KIF13A: variants seen among roughly 807,000 people sequenced by gnomAD.
KIF13A encodes the protein kinesin-like protein KIF13A.
In KIF13A, 79 loss-of-function variants were observed where a neutral mutation model predicts 212.2. The observed-to-expected ratio is 0.37, with a 90% confidence interval of 0.31 to 0.45. The LOEUF (loss-of-function observed/expected upper bound fraction) is 0.45, where lower values mean the gene tolerates loss of function less well. Ranked by LOEUF, KIF13A falls within the 20% of genes least tolerant of loss-of-function variation. KIF13A has a pLI of 1.00. For synonymous variants in KIF13A, 789 were observed against 808.6 expected, an observed-to-expected ratio of 0.98 and a Z score of 0.41; for missense variants, 1,901 against 2,209.0, an observed-to-expected ratio of 0.86 and a Z score of 2.79.
chr6:17,807,365 G>T (rs1034805451), intron 18 of KIF13A, among the ~76,000 whole-genome samples: 4 of 151,986 alleles, frequency 2.6e-5, no homozygotes, highest in African/African-American at 9.7e-5. Context: ...ATTGTGGGGG[G>T]AGGTCTATAA....
chr6:17,940,829 T>TTTA (rs1554119593), intron 2 of KIF13A, among the ~76,000 whole-genome samples: 2 of 146,890 alleles, frequency 1.4e-5, no homozygotes, highest in African/African-American at 5.4e-5. Context: ...TTTTTTTTTT[T>TTTA]TTTTTTTTTT....
At position 17,789,722 on chromosome 6, in the gene KIF13A, G is replaced by C. The variant is rs200894653; in HGVS notation, c.3261+150C>G. On this transcript the variant is annotated intron_variant, in intron 26 of 38. Transcript: ENST00000259711. The surrounding 1 kb of genome is among the most constrained non-coding windows in gnomAD (Gnocchi z 4.8). The stretch of plus-strand genomic sequence containing the variant: ...CATCTATAGAAATAATATTGTGTTT[G>C]AATACATATAAAGCAAATCAAAAGC... 52 of 591,024 alleles carry C rather than the reference G, an allele frequency of 8.8e-5. No homozygotes were observed. In the East Asian group the frequency reaches 1.5e-3, roughly 17 times the overall value. 36.6% of individuals were successfully genotyped at this position (591,024 alleles called of 1,614,324 possible).
chr6:17,832,508 C>T (rs1416632028), intron 12 of KIF13A, among the ~76,000 whole-genome samples: 1 of 151,976 alleles, frequency 6.6e-6, no homozygotes, highest in Non-Finnish European at 1.5e-5. Context: ...TGTGGTGGCA[C>T]ACACCTATAG....
chr6:17,982,520 G>T lies in KIF13A; in HGVS notation c.146+4534C>A. On this transcript the variant is annotated intron_variant, in intron 2 of 38. Coordinates refer to ENST00000259711, the MANE Select transcript of KIF13A (RefSeq NM_022113.6). This position sits in a 1 kb window ranked among gnomAD's most constrained non-coding sequence, Gnocchi z 5.1. ...TTCTTCAACTGACCCTCCCTCACAC[G>T]ATTTGCAAGGTGTATTGTTCATCCT... 1.5e-6 allele frequency: 1 copy of T among 658,730 alleles called. No homozygotes were observed. The highest frequency in any genetic ancestry group is 1.9e-6 in the Non-Finnish European group (1 of 532,156). 40.8% of individuals were successfully genotyped at this position (658,730 alleles called of 1,614,324 possible).
chr6:17,911,739 G>A (rs2150505574), intron 2 of KIF13A, among the ~76,000 whole-genome samples: 2 of 147,986 alleles, frequency 1.4e-5, no homozygotes. Context: ...CTATTTCATA[G>A]CACAGCAAGG....
In KIF13A at chr6:17,781,162, T is replaced by G. The variant is rs746469017; in HGVS notation, c.3669+15A>C. 4.9e-5 allele frequency: 79 copies of G among 1,613,676 alleles called. No individual in the cohort carries two copies. The highest frequency in any genetic ancestry group is 6.2e-5 in the Non-Finnish European group (73 of 1,179,836). ...TAATCTGAAGCCTTTTAAGAGAAAC[T>G]TGGGGGTTAATTACCTCATCATCAC... On this transcript the variant is annotated intron_variant, in intron 30 of 38. Transcript: ENST00000259711.
Position 17,787,710 on chromosome 6 carries a change from A to G in KIF13A, c.3361+66T>C, listed in dbSNP as rs1761178652. ...ACTACTGTCCAGTTAGGGGAAGAAA[A>G]CGACCTACTGCCATTGTGTAAAAGT... On this transcript the variant is annotated intron_variant, in intron 27 of 38. Coordinates refer to ENST00000259711, the MANE Select transcript of KIF13A (RefSeq NM_022113.6). The surrounding 1 kb of genome is among the most constrained non-coding windows in gnomAD (Gnocchi z 4.6). 1.1e-6 allele frequency: 1 copy of G among 912,696 alleles called. No homozygotes were observed. The highest frequency in any genetic ancestry group is 1.8e-5 in the Admixed American group (1 of 55,090). The allele number at this position is 912,696 out of a possible 1,614,324, so 56.5% of individuals were successfully genotyped here.
chr6:17,942,490 T>C (rs993319621), intron 2 of KIF13A, among the ~76,000 whole-genome samples: 1 of 152,130 alleles, frequency 6.6e-6, no homozygotes, highest in African/African-American at 2.4e-5. Context: ...GCAAAATGGG[T>C]ACCTACCTCA....
At chr6:17,969,719 C>T (rs1779639146) in intron 2 of KIF13A, among the ~76,000 whole-genome samples, 1 of 152,158 alleles carries the variant, frequency 6.6e-6, no homozygotes, top group South Asian at 2.1e-4. Context: ...CTCTGGCATC[C>T]CTTACATGAA....
intron 2 of KIF13A, among the ~76,000 whole-genome samples, chr6:17,911,029 C>G (rs963025294): frequency 2.6e-5 from 4 of 152,222 alleles, no homozygotes; most frequent in African/African-American, 9.7e-5. Context: ...TCCCAAAGTG[C>G]TGGGATTACA....
At position 17,951,601 on chromosome 6, in the gene KIF13A, C is replaced by T. The variant is rs1324269170; in HGVS notation, c.146+35453G>A. Reference sequence around the variant, plus strand: ...CCCCCTCAAAAAATGCCATATCCATCGGCAGTCACTCTCCATTTCCCCCAA... The same window carrying T: ...CCCCCTCAAAAAATGCCATATCCATTGGCAGTCACTCTCCATTTCCCCCAA... On this transcript the variant is annotated intron_variant, in intron 2 of 38. Transcript: ENST00000259711. The surrounding 1 kb of genome is among the most constrained non-coding windows in gnomAD (Gnocchi z 4.9). Among the ~76,000 whole-genome samples, 3 of 151,510 alleles carry T rather than the reference C, an allele frequency of 2.0e-5. No homozygotes were observed. The highest frequency in any genetic ancestry group is 6.6e-5 in the Admixed American group (1 of 15,214).
At position 17,867,443 on chromosome 6, in the gene KIF13A, T is replaced by C. The variant is rs531772604; in HGVS notation, c.220+5934A>G. 4.6e-5 allele frequency among the ~76,000 whole-genome samples: 7 copies of C among 152,362 alleles called. No individual in the cohort carries two copies. The East Asian group carries it at 1.2e-3, about 25-fold the overall frequency. On this transcript the variant is annotated intron_variant, in intron 4 of 38. Coordinates refer to ENST00000259711, the MANE Select transcript of KIF13A (RefSeq NM_022113.6). ...CAACTACTAGCATTGCTCATAACTA[T>C]AGGGAAAACTTTTATGGTTTAAACC... is the stretch of plus-strand genomic sequence containing the variant.
chr6:17,956,398 G>C (rs191788888), intron 2 of KIF13A, among the ~76,000 whole-genome samples: 1 of 152,324 alleles, frequency 6.6e-6, no homozygotes, highest in Admixed American at 6.5e-5. Context: ...AGTGCCACCT[G>C]TTTGTGGTCC....
rs201506904 is a variant in KIF13A, at chr6:17,843,385, ATT to A, written c.831-5804_831-5803del. Among the ~76,000 whole-genome samples the A allele has an allele frequency of 5.8e-3, 877 of 152,342 alleles. 7 individuals are homozygous for A. Among genetic ancestry groups the A allele is most frequent in the African/African-American group, 0.02 (825 of 41,582 alleles). Reference sequence around the variant, plus strand: ...GTCCTCTCTGCAGCTTCGGGTAGCCATTAAACACAGTTCTGGCCAAGGAGATG... The same window carrying A: ...GTCCTCTCTGCAGCTTCGGGTAGCCAAAACACAGTTCTGGCCAAGGAGATG... On this transcript the variant is annotated intron_variant, in intron 9 of 38. Coordinates refer to ENST00000259711, the MANE Select transcript of KIF13A (RefSeq NM_022113.6). The surrounding 1 kb of genome is among the most constrained non-coding windows in gnomAD (Gnocchi z 5.3).
intron 4 of KIF13A, among the ~76,000 whole-genome samples, chr6:17,859,489 G>C (rs1213790969): frequency 6.6e-6 from 1 of 150,730 alleles, no homozygotes; most frequent in Non-Finnish European, 1.5e-5. Flanking sequence ...TTTTAGTTTA[G>C]TGTATGACCA....
At chr6:17,881,632 G>A (rs1261276825) in intron 3 of KIF13A, 1 of 351,050 alleles carries the variant, frequency 2.8e-6, no homozygotes, top group African/African-American at 2.2e-5. Context: ...AGGAAGCGGA[G>A]GTTGCAGTGA....
chr6:17,846,905 T>C (rs1023123074), intron 9 of KIF13A, among the ~76,000 whole-genome samples: 5 of 152,126 alleles, frequency 3.3e-5, no homozygotes, highest in Admixed American at 6.5e-5. Flanking sequence ...CGGAGACCAA[T>C]TGACGGCAAC....
chr6:17,893,800 T>C (rs1019214207), intron 3 of KIF13A, among the ~76,000 whole-genome samples: 5 of 151,482 alleles, frequency 3.3e-5, no homozygotes, highest in African/African-American at 4.8e-5. Context: ...TAAATAAACA[T>C]TGAATTCTGT....
intron 2 of KIF13A, among the ~76,000 whole-genome samples, chr6:17,908,701 A>G (rs181288809): frequency 6.6e-6 from 1 of 152,084 alleles, no homozygotes; most frequent in Non-Finnish European, 1.5e-5. Flanking sequence ...GTTTCTTTTT[A>G]AAAAATTACC....
Sources: gnomAD v4.1 joint callset for allele counts (sites outside exome capture counted in the v4.1 genomes callset) on GRCh38, gnomAD v4.1.1 for gene constraint, Gnocchi (gnomAD v3.1) non-coding constraint, MANE v1.5 for transcripts, NCBI Gene and HGNC (gene_info 2026-07-23, HGNC 2026-07-21) for gene names.